Variants in KCNS3 observed in about 807,000 individuals in gnomAD.
The protein encoded by KCNS3 is potassium voltage-gated channel modifier subfamily S member 3, also known as delayed-rectifier potassium channel regulatory subunit KCNS3.
In KCNS3, 13 loss-of-function variants were observed where a neutral mutation model predicts 31.0. That is an observed-to-expected ratio of 0.42 (90% CI 0.27 to 0.67). The LOEUF is 0.67. KCNS3 is among the 30% of genes least tolerant of loss of function. The pLI, the probability that KCNS3 is intolerant of heterozygous loss-of-function variation, is 0.25. For missense variants in KCNS3, 545 were observed against 622.4 expected, an observed-to-expected ratio of 0.88 and a Z score of 1.32; for synonymous variants, 238 against 241.5, an observed-to-expected ratio of 0.99 and a Z score of 0.13.
At chr2:17,910,842 A>T (rs1026689138) in intron 1 of KCNS3, among the ~76,000 whole-genome samples, 1 of 152,180 alleles carries the variant, frequency 6.6e-6, no homozygotes, top group Admixed American at 6.5e-5. Flanking sequence ...AAAGATGTGG[A>T]TAGTACAGGC....
chr2:17,916,563 C>T (rs983413626), intron 1 of KCNS3, among the ~76,000 whole-genome samples: 1 of 152,156 alleles, frequency 6.6e-6, no homozygotes, highest in East Asian at 1.9e-4. Context: ...GGAATTTACC[C>T]CTCTGCAAAG....
At chr2:17,904,210 G>T (rs1006312123) in intron 1 of KCNS3, among the ~76,000 whole-genome samples, 39 of 152,274 alleles carry the variant, frequency 2.6e-4, no homozygotes, top group Non-Finnish European at 4.6e-4. Context: ...TGATAGCCAG[G>T]GATGATGAGC....
intron 1 of KCNS3, among the ~76,000 whole-genome samples, chr2:17,888,476 G>C (rs181679991): frequency 4.0e-5 from 6 of 151,174 alleles, no homozygotes; most frequent in Non-Finnish European, 3.0e-5. Flanking sequence ...GGTGTGGAGT[G>C]GGGGGAGAGG....
chr2:17,900,529 G>C (rs533319598), intron 1 of KCNS3, among the ~76,000 whole-genome samples: 2 of 151,944 alleles, frequency 1.3e-5, no homozygotes. Flanking sequence ...TCGCTGTGTC[G>C]CCCAGGCTGG....
chr2:17,929,622 G>A (rs1312360239), intron 2 of KCNS3, among the ~76,000 whole-genome samples: 3 of 152,166 alleles, frequency 2.0e-5, no homozygotes, highest in African/African-American at 7.2e-5. Context: ...TTGAACCTTT[G>A]AGCTGCATAT....
At chr2:17,879,332 C>G (rs758726574) in intron 1 of KCNS3, 7 of 152,344 alleles carry the variant, frequency 4.6e-5, no homozygotes, top group Non-Finnish European at 7.3e-5. Context: ...CTTTGTCATT[C>G]CTCCCCTCCC....
At chr2:17,908,501 G>A (rs1015896871) in intron 1 of KCNS3, among the ~76,000 whole-genome samples, 2 of 152,210 alleles carry the variant, frequency 1.3e-5, no homozygotes, top group African/African-American at 2.4e-5. Flanking sequence ...CGTTGCTGGC[G>A]TGGAGCTGCA....
At chr2:17,886,562 C>G (rs1661657242) in intron 1 of KCNS3, among the ~76,000 whole-genome samples, 1 of 152,154 alleles carries the variant, frequency 6.6e-6, no homozygotes. Context: ...TGAGATTCAG[C>G]CCTGAGGCTC....
intron 2 of KCNS3, 101 bp downstream of exon 2, chr2:17,917,972 C>T (rs556009887): frequency 1.3e-5 from 2 of 152,754 alleles, no homozygotes; most frequent in South Asian, 2.1e-4. Context: ...GAAAGTTAGA[C>T]ACTTCTGATG....
intron 1 of KCNS3, among the ~76,000 whole-genome samples, chr2:17,896,867 T>A (rs1162831159): frequency 1.3e-5 from 2 of 152,136 alleles, no homozygotes; most frequent in African/African-American, 4.8e-5. Context: ...TATAAATTAT[T>A]CCTATAGTTT....
At chr2:17,923,339 GA>G in intron 2 of KCNS3, among the ~76,000 whole-genome samples, 2 of 152,096 alleles carry the variant, frequency 1.3e-5, no homozygotes, top group East Asian at 3.9e-4. Flanking sequence ...TGAGTTGTAA[GA>G]GTTCTTTATT....
chr2:17,893,044 G>C (rs962209060), intron 1 of KCNS3, among the ~76,000 whole-genome samples: 7 of 152,196 alleles, frequency 4.6e-5, no homozygotes, highest in African/African-American at 7.2e-5. Context: ...ACCATCAGGT[G>C]GGGGTAGGGC....
rs1423219876 is a variant in KCNS3, at chr2:17,931,342, T to C, written c.334T>C (p.Phe112Leu). ...EIEYWGINELFIDSCCSNRYQ... is the reference protein window; with the variant it reads ...EIEYWGINELLIDSCCSNRYQ... Reference sequence around the variant, plus strand: ...CGAGTACTGGGGCATCAACGAGCTCTTCATTGATTCTTGCTGCAGCAATCG... The same window carrying C: ...CGAGTACTGGGGCATCAACGAGCTCCTCATTGATTCTTGCTGCAGCAATCG... The change falls in exon 3 of 3, where the codon TTC becomes CTC. Residue 112 changes from phenylalanine (F) to leucine (L), a missense_variant. By Grantham distance (22) the Phe-to-Leu change is conservative. Coordinates refer to ENST00000304101, the MANE Select transcript of KCNS3 (RefSeq NM_002252.5). This position sits in a 1 kb window ranked among gnomAD's most constrained non-coding sequence, Gnocchi z 5.4. 1 of 1,614,176 alleles carries C rather than the reference T, an allele frequency of 6.2e-7. No homozygotes were observed. The highest frequency in any genetic ancestry group is 2.2e-5 in the East Asian group (1 of 44,878).
At chr2:17,900,342 C>T (rs1289852541) in intron 1 of KCNS3, among the ~76,000 whole-genome samples, 3 of 151,826 alleles carry the variant, frequency 2.0e-5, no homozygotes, top group Non-Finnish European at 4.4e-5. Context: ...TGGAAGGGAG[C>T]CTGGTTTTGA....
intron 1 of KCNS3, among the ~76,000 whole-genome samples, chr2:17,900,550 C>G (rs981922630): frequency 6.6e-6 from 1 of 151,968 alleles, no homozygotes; most frequent in Non-Finnish European, 1.5e-5. Flanking sequence ...AGTGCAGTGA[C>G]GTGATTTTGG....
intron 2 of KCNS3, among the ~76,000 whole-genome samples, chr2:17,918,580 T>C (rs1662642146): frequency 6.6e-6 from 1 of 152,220 alleles, no homozygotes; most frequent in Non-Finnish European, 1.5e-5. Flanking sequence ...ATCATTCTGC[T>C]AGCTCTTTGA....
intron 1 of KCNS3, among the ~76,000 whole-genome samples, chr2:17,910,908 C>G (rs1662457928): frequency 6.6e-6 from 1 of 152,210 alleles, no homozygotes; most frequent in South Asian, 2.1e-4. Flanking sequence ...AGGTCATAGG[C>G]TACTTCCTAT....
intron 2 of KCNS3, among the ~76,000 whole-genome samples, chr2:17,920,254 G>T (rs938441006): frequency 1.3e-5 from 2 of 152,240 alleles, no homozygotes; most frequent in East Asian, 3.9e-4. Context: ...ATACCAAAAA[G>T]CAGTTCTGTC....
intron 1 of KCNS3, among the ~76,000 whole-genome samples, chr2:17,893,940 GT>G (rs5829612): frequency 0.12 from 11,922 of 98,240 alleles, 659 homozygotes; most frequent in South Asian, 0.15. Flanking sequence ...CCAGGAGCCA[GT>G]TTTTTTTTTT....
Sources: gnomAD v4.1 joint callset for allele counts (sites outside exome capture counted in the v4.1 genomes callset) on GRCh38, gnomAD v4.1.1 for gene constraint, Gnocchi (gnomAD v3.1) non-coding constraint, MANE v1.5 for transcripts, NCBI Gene and HGNC (gene_info 2026-07-23, HGNC 2026-07-21) for gene names.